The following BMPR1B variants were observed in gnomAD, a reference collection of about 807,000 sequenced individuals.
BMPR1B encodes bone morphogenetic protein receptor type 1B, also known as bone morphogenetic protein receptor type-1B.
In BMPR1B, 12 loss-of-function variants were observed where a neutral mutation model predicts 59.1. The ratio of observed to expected loss-of-function variants is 0.20; its 90% confidence interval spans 0.13 to 0.33. The LOEUF is 0.33. Ranked by LOEUF, BMPR1B falls within the 10% of genes least tolerant of loss-of-function variation. The pLI is 1.00. For synonymous variants in BMPR1B, 237 were observed against 207.3 expected (o/e 1.14, Z -1.23); for missense variants, 550 against 610.9 (o/e 0.90, Z 1.05).
chr4:94,949,964 C>T (rs1729867685), intron 2 of BMPR1B, among the ~76,000 whole-genome samples: 8 of 152,164 alleles, frequency 5.3e-5, no homozygotes, highest in Admixed American at 5.2e-4. Context: ...TGTTTCCTGA[C>T]TTTTTAATGA....
chr4:95,112,968 TATC>T (rs1159304747), intron 4 of BMPR1B, among the ~76,000 whole-genome samples: 2 of 152,124 alleles, frequency 1.3e-5, no homozygotes, highest in Admixed American at 6.6e-5. Context: ...ACCTTCCTGA[TATC>T]ATAAAATTAG....
chr4:94,884,129 A>G (rs929132989), intron 2 of BMPR1B, among the ~76,000 whole-genome samples: 1 of 152,202 alleles, frequency 6.6e-6, no homozygotes, highest in Admixed American at 6.5e-5. Context: ...CAAGGTTTCA[A>G]AAGTAATGAT....
chr4:95,118,724 T>C (rs1327685789), intron 6 of BMPR1B, among the ~76,000 whole-genome samples: 1 of 152,214 alleles, frequency 6.6e-6, no homozygotes, highest in Non-Finnish European at 1.5e-5. Context: ...ACTCTGGCTG[T>C]GGCTTGAATG....
chr4:95,026,012 G>A (rs971478170), intron 3 of BMPR1B, among the ~76,000 whole-genome samples: 4 of 152,168 alleles, frequency 2.6e-5, no homozygotes, highest in East Asian at 1.9e-4. Context: ...CTGAGGGTAC[G>A]TCAGGCCTCC....
chr4:95,065,315 C>G (rs548457380), intron 3 of BMPR1B, among the ~76,000 whole-genome samples: 1 of 152,098 alleles, frequency 6.6e-6, no homozygotes, highest in South Asian at 2.1e-4. Flanking sequence ...GAGTGACTGC[C>G]TGTATATGGT....
intron 3 of BMPR1B, among the ~76,000 whole-genome samples, chr4:95,072,742 A>G (rs942676664): frequency 6.6e-6 from 1 of 152,168 alleles, no homozygotes; most frequent in Non-Finnish European, 1.5e-5. Context: ...ATCACCATAC[A>G]TATTCATTTG....
intron 1 of BMPR1B, among the ~76,000 whole-genome samples, chr4:94,771,008 G>T (rs933761936): frequency 2.0e-5 from 3 of 151,886 alleles, no homozygotes. Flanking sequence ...AAATTGCTAA[G>T]AAGTAATTAT....
chr4:94,928,998 G>T (rs568288580), intron 2 of BMPR1B, among the ~76,000 whole-genome samples: 1 of 152,140 alleles, frequency 6.6e-6, no homozygotes, highest in South Asian at 2.1e-4. Flanking sequence ...AATGATTTGT[G>T]ACACAACTCT....
intron 1 of BMPR1B, among the ~76,000 whole-genome samples, chr4:94,860,104 C>T (rs140893462): frequency 3.3e-4 from 50 of 152,216 alleles, no homozygotes; most frequent in Admixed American, 1.3e-3. Context: ...TATTCCTTAA[C>T]GCGTCCCTAA....
intron 6 of BMPR1B, among the ~76,000 whole-genome samples, chr4:95,118,969 T>A (rs1732270988): frequency 6.6e-6 from 1 of 152,192 alleles, no homozygotes; most frequent in Admixed American, 6.5e-5. Flanking sequence ...CTCATTGCTC[T>A]CATAAATCAG....
chr4:94,918,980 T>C (rs749893654), intron 2 of BMPR1B, among the ~76,000 whole-genome samples: 2 of 151,982 alleles, frequency 1.3e-5, no homozygotes, highest in Non-Finnish European at 2.9e-5. Context: ...TGCTGAGGAG[T>C]GATGGGTTCT....
At chr4:95,072,038 A>G (rs530383505) in intron 3 of BMPR1B, among the ~76,000 whole-genome samples, 1 of 152,212 alleles carries the variant, frequency 6.6e-6, no homozygotes, top group East Asian at 1.9e-4. Flanking sequence ...GACCTAGGAA[A>G]TTGGATGGCA....
chr4:95,138,960 G>A (rs1412403562), intron 10 of BMPR1B, among the ~76,000 whole-genome samples: 1 of 152,192 alleles, frequency 6.6e-6, no homozygotes, highest in Non-Finnish European at 1.5e-5. Flanking sequence ...TGCTGGTGAG[G>A]AGCTCCCTTC....
At chr4:94,898,957 C>T (rs1052028831) in intron 2 of BMPR1B, among the ~76,000 whole-genome samples, 2 of 152,012 alleles carry the variant, frequency 1.3e-5, no homozygotes, top group Non-Finnish European at 1.5e-5. Context: ...AATGTATTCT[C>T]TCATAGTTCT....
chr4:94,899,152 C>G (rs1560537615), intron 2 of BMPR1B, among the ~76,000 whole-genome samples: 2 of 151,940 alleles, frequency 1.3e-5, no homozygotes, highest in Non-Finnish European at 1.5e-5. Context: ...ACATTACCTT[C>G]TCTTCTTCTG....
At chr4:94,788,511 A>G (rs1722841818) in intron 1 of BMPR1B, among the ~76,000 whole-genome samples, 1 of 152,178 alleles carries the variant, frequency 6.6e-6, no homozygotes. Context: ...CCCATAAGGC[A>G]AAAACCAGAC....
intron 1 of BMPR1B, among the ~76,000 whole-genome samples, chr4:94,817,496 G>A (rs140029771): frequency 2.6e-5 from 4 of 151,778 alleles, no homozygotes; most frequent in Admixed American, 2.0e-4. Context: ...GGCCTTTGGC[G>A]TATTAGCCTT....
chr4:95,048,049 A>G (rs1282821189), intron 3 of BMPR1B, among the ~76,000 whole-genome samples: 1 of 152,134 alleles, frequency 6.6e-6, no homozygotes, highest in East Asian at 1.9e-4. Flanking sequence ...AGAACATGCA[A>G]TAATAGGGAT....
intron 1 of BMPR1B, among the ~76,000 whole-genome samples, chr4:94,795,681 C>G (rs1723162066): frequency 6.6e-6 from 1 of 152,092 alleles, no homozygotes. Context: ...CCAGGCTGGT[C>G]TGGAACTCCT....
Sources: gnomAD v4.1 joint callset for allele counts (sites outside exome capture counted in the v4.1 genomes callset) on GRCh38, gnomAD v4.1.1 for gene constraint, MANE v1.5 for transcripts, NCBI Gene and HGNC (gene_info 2026-07-23, HGNC 2026-07-21) for gene names.